PIK3R3: variants seen among roughly 807,000 people sequenced by gnomAD.
PIK3R3 encodes phosphatidylinositol 3-kinase regulatory subunit gamma.
In PIK3R3, 64 loss-of-function variants were observed where a neutral mutation model predicts 62.9. The ratio of observed to expected loss-of-function variants is 1.02; its 90% CI spans 0.83 to 1.25. The LOEUF (loss-of-function observed/expected upper bound fraction) is 1.25. Ranked by LOEUF, PIK3R3 falls within the 50% of genes most tolerant of loss-of-function variation. PIK3R3 has a pLI of 0.00. For missense variants in PIK3R3, 614 were observed against 561.6 expected (o/e 1.09, Z -0.94); for synonymous variants, 165 against 189.0 (o/e 0.87, Z 1.04).
Position 46,131,850 on chromosome 1 carries a change from G to A in PIK3R3, c.103C>T (p.Pro35Ser), listed in dbSNP as rs1339555982. 17 of 1,612,332 alleles carry A rather than the reference G, an allele frequency of 1.1e-5. No individual in the cohort carries two copies. Among genetic ancestry groups the A allele is most frequent in the South Asian group, 2.2e-5 (2 of 91,036 alleles). The change falls in exon 1 of 10, where the codon CCA (proline) becomes TCA (serine). Residue 35 changes from proline (P) to serine (S), a missense_variant. By Grantham distance (74) the Pro-to-Ser change is moderately conservative. Coordinates refer to ENST00000262741, the MANE Select transcript of PIK3R3 (RefSeq NM_003629.4). Reference protein sequence around the residue: ...ELIFYIEMDPPALPPKPPKPM... With the variant: ...ELIFYIEMDPSALPPKPPKPM... ...TTTTTTTTTTTCTCCCAAGTACCTG[G>A]AGGATCCATTTCAATATAAAATATC...
chr1:46,053,379 G>T (rs1647555509), intron 7 of PIK3R3, among the ~76,000 whole-genome samples: 1 of 152,028 alleles, frequency 6.6e-6, no homozygotes, highest in Admixed American at 6.5e-5. Flanking sequence ...AAACTTCCAA[G>T]GTCTGGTTTG....
At chr1:46,124,180 A>G (rs1365353983) in intron 1 of PIK3R3, among the ~76,000 whole-genome samples, 3 of 152,224 alleles carry the variant, frequency 2.0e-5, no homozygotes, top group East Asian at 1.9e-4. Flanking sequence ...GGTACACAAT[A>G]TATGTCAAAT....
At chr1:46,140,819 G>T in the PIK3R3 span, among the ~76,000 whole-genome samples, 1,065 of 151,796 alleles carry the variant, frequency 7.0e-3, 12 homozygotes, top group African/African-American at 0.025. Context: ...TAAACTTGTG[G>T]TTTTTTTTGT....
At chr1:46,074,114 C>A (rs1175890113) in intron 3 of PIK3R3, among the ~76,000 whole-genome samples, 1 of 148,768 alleles carries the variant, frequency 6.7e-6, no homozygotes, top group East Asian at 2.0e-4. Context: ...ACAGGTGAAA[C>A]CCCGCCTCTA....
At chr1:46,113,014 A>C (rs1557623430) in intron 1 of PIK3R3, among the ~76,000 whole-genome samples, 1 of 152,138 alleles carries the variant, frequency 6.6e-6, no homozygotes, top group Admixed American at 6.6e-5. Context: ...AAACAACTCT[A>C]CTATTCATTC....
At chr1:46,068,111 A>T (rs1220407648) in intron 3 of PIK3R3, among the ~76,000 whole-genome samples, 1 of 152,200 alleles carries the variant, frequency 6.6e-6, no homozygotes, top group Non-Finnish European at 1.5e-5. Context: ...AAACACAGTA[A>T]GATTGACCCT....
chr1:46,125,031 G>A (rs575865228), intron 1 of PIK3R3, among the ~76,000 whole-genome samples: 26 of 152,216 alleles, frequency 1.7e-4, no homozygotes, highest in South Asian at 1.5e-3. Flanking sequence ...CACAGGAGTC[G>A]GAGATTGCAG....
intron 2 of PIK3R3, among the ~76,000 whole-genome samples, chr1:46,079,097 G>C (rs1650341741): frequency 1.1e-5 from 1 of 88,152 alleles, no homozygotes; most frequent in East Asian, 3.3e-4. Context: ...AGTTGAAATC[G>C]TAAGGGTAAA....
chr1:46,043,553 A>G lies in PIK3R3; in HGVS notation c.*120T>C, dbSNP rs1647033203. ...CTGCTGCTCGGCCTCTCCACTTCAC[A>G]TTCACAAAATCACTTCTTGTGCAAA... is the stretch of plus-strand genomic sequence containing the variant. On this transcript the variant is annotated 3_prime_UTR_variant, in exon 10 of 10. Coordinates refer to ENST00000262741, the MANE Select transcript of PIK3R3 (RefSeq NM_003629.4). 1.1e-6 allele frequency: 1 copy of G among 910,974 alleles called. No homozygotes were observed. The highest frequency in any genetic ancestry group is 2.2e-5 in the Admixed American group (1 of 44,666). 56.4% of individuals were successfully genotyped at this position (910,974 alleles called of 1,614,324 possible).
chr1:46,040,260 C>T lies in PIK3R3; in HGVS notation c.*3413G>A, dbSNP rs903799101. 1 of 233,142 alleles carries T rather than the reference C, an allele frequency of 4.3e-6. No homozygotes were observed. The highest frequency in any genetic ancestry group is 8.5e-6 in the Non-Finnish European group (1 of 117,674). 14.4% of individuals were successfully genotyped at this position (233,142 alleles called of 1,614,324 possible). The stretch of plus-strand genomic sequence containing the variant: ...CTCCTCTCGCCTTTCCCCCTACCCT[C>T]CCCAACAATTGCACAGCAATGTCTG... On this transcript the variant is annotated 3_prime_UTR_variant, in exon 10 of 10. Coordinates refer to ENST00000262741, the MANE Select transcript of PIK3R3 (RefSeq NM_003629.4).
the PIK3R3 span, among the ~76,000 whole-genome samples, chr1:46,153,359 A>T: frequency 1.3e-5 from 2 of 152,194 alleles, no homozygotes; most frequent in Admixed American, 6.5e-5. Flanking sequence ...TGAGTTGAGA[A>T]TAAGTTCTTG....
chr1:46,142,852 G>A, the PIK3R3 span, among the ~76,000 whole-genome samples: 1 of 152,194 alleles, frequency 6.6e-6, no homozygotes. Flanking sequence ...TCAAGCAATG[G>A]GGGGAGTTTA....
chr1:46,059,736 G>A (rs985891328), intron 6 of PIK3R3, among the ~76,000 whole-genome samples: 1 of 152,166 alleles, frequency 6.6e-6, no homozygotes, highest in Admixed American at 6.5e-5. Context: ...TGAGGCTGCA[G>A]TGAGCCATGA....
Position 46,132,344 on chromosome 1 carries a change from A to G in PIK3R3, c.-392T>C, listed in dbSNP as rs1655689435. 9.1e-7 allele frequency: 1 copy of G among 1,104,522 alleles called. No individual in the cohort carries two copies. Among genetic ancestry groups the G allele is most frequent in the Non-Finnish European group, 1.1e-6 (1 of 899,140 alleles). 68.4% of individuals were successfully genotyped at this position (1,104,522 alleles called of 1,614,324 possible). A position where few individuals can be genotyped will look rare whatever the true frequency, so the allele number is the denominator to read the frequency against. ...GTGTCCTTCGAAGGAGGGAGAATGA[A>G]GAGGAAAAAAAAGAACACGTTGGGA... On this transcript the variant is annotated 5_prime_UTR_variant, in exon 1 of 10. Coordinates refer to ENST00000262741, the MANE Select transcript of PIK3R3 (RefSeq NM_003629.4).
intron 1 of PIK3R3, among the ~76,000 whole-genome samples, chr1:46,081,821 G>A (rs553982603): frequency 2.6e-5 from 4 of 152,220 alleles, no homozygotes; most frequent in Admixed American, 2.6e-4. Flanking sequence ...ATCATCATGT[G>A]CCAAAAAGGA....
intron 9 of PIK3R3, among the ~76,000 whole-genome samples, chr1:46,045,133 A>G (rs1004938443): frequency 6.6e-6 from 1 of 152,212 alleles, no homozygotes; most frequent in Non-Finnish European, 1.5e-5. Flanking sequence ...TAACTCATTT[A>G]ATCCTCACAA....
At chr1:46,101,406 T>G (rs1652664191) in intron 1 of PIK3R3, among the ~76,000 whole-genome samples, 1 of 151,432 alleles carries the variant, frequency 6.6e-6, no homozygotes, top group Non-Finnish European at 1.5e-5. Context: ...TGAGGGAGGC[T>G]GAGGCAGGAG....
chr1:46,089,171 C>T (rs1241095384), intron 1 of PIK3R3, among the ~76,000 whole-genome samples: 1 of 152,086 alleles, frequency 6.6e-6, no homozygotes, highest in Non-Finnish European at 1.5e-5. Flanking sequence ...GTGTAAAATG[C>T]AGGAAAATGG....
chr1:46,165,305 CT>C, the PIK3R3 span, among the ~76,000 whole-genome samples: 422 of 129,990 alleles, frequency 3.2e-3, 4 homozygotes, highest in African/African-American at 7.6e-3. Flanking sequence ...TCTTCTTCTT[CT>C]TTTTTTTTTT....
Sources: gnomAD v4.1 joint callset for allele counts (sites outside exome capture counted in the v4.1 genomes callset) on GRCh38, gnomAD v4.1.1 for gene constraint, MANE v1.5 for transcripts, NCBI Gene and HGNC (gene_info 2026-07-23, HGNC 2026-07-21) for gene names.